OR6F1: variants seen among roughly 807,000 people sequenced by gnomAD.
The protein encoded by OR6F1 is olfactory receptor 6F1.
For synonymous variants in OR6F1, 144 were observed against 150.0 expected (o/e 0.96, Z 0.29); for missense variants, 346 against 376.0 (o/e 0.92, Z 0.66).
rs1465786958 is a variant in OR6F1 at position 247,712,373 on chromosome 1, T to C, written c.383A>G (p.Tyr128Cys). The change falls in exon 3 of 3, where the codon TAT becomes TGT. Residue 128 changes from tyrosine (Y) to cysteine (C), a missense_variant. Tyr to Cys is a radical substitution (Grantham distance 194). Coordinates refer to ENST00000641470, the MANE Select transcript of OR6F1 (RefSeq NM_001005286.2). ...MAYDRCLAIC[Y>C]PLHYGAIMSS... ...CATGATGGCTCCGTAGTGTAAAGGA[T>C]AGCAGATGGCAAGACAGCGGTCATA... 1 of 1,614,164 alleles carries C rather than the reference T, an allele frequency of 6.2e-7. No individual in the cohort carries two copies.
At chr1:247,715,949 TG>T (rs1474860199) in intron 1 of OR6F1, among the ~76,000 whole-genome samples, 1 of 152,148 alleles carries the variant, frequency 6.6e-6, no homozygotes, top group Non-Finnish European at 1.5e-5. Context: ...ACCACAATTT[TG>T]TGATTACAAA....
chr1:247,713,698 G>A (rs1305263941), intron 2 of OR6F1, among the ~76,000 whole-genome samples, 193 bp downstream of exon 2: 2 of 152,104 alleles, frequency 1.3e-5, no homozygotes, highest in Non-Finnish European at 2.9e-5. Context: ...AGACTTTGGC[G>A]GCTTCATTCT....
At chr1:247,713,999 A>G (rs914122691) in intron 1 of OR6F1, 45 bp from the exon 2 acceptor site, 2 of 398,484 alleles carry the variant, frequency 5.0e-6, no homozygotes, top group African/African-American at 4.1e-5. Flanking sequence ...TGCACCCTTG[A>G]CATGCAGCCT....
Position 247,712,643 on chromosome 1 carries a change from G to C in OR6F1, c.113C>G (p.Thr38Arg), listed in dbSNP as rs201621637. 2.1e-5 allele frequency: 34 copies of C among 1,613,510 alleles called. No homozygotes were observed. The East Asian group carries it at 6.5e-4, about 31-fold the overall frequency. The change falls in exon 3 of 3, where the codon ACA (threonine) becomes AGA (arginine). Residue 38 changes from threonine (T) to arginine (R), a missense_variant. Physicochemically the swap from Thr to Arg is moderately conservative, Grantham distance 71 (BLOSUM62 -1). Transcript: ENST00000641470. ...CAAGATAGCCACATTACCACTAACTGTGAGGATGTACATCACCAGAAAAAG... is the reference window on the plus strand; with the variant it reads ...CAAGATAGCCACATTACCACTAACTCTGAGGATGTACATCACCAGAAAAAG... ...FMLFLVMYIL[T>R]VSGNVAILML... is the part of the protein sequence containing the mutation.
rs901977694 is a variant in OR6F1 at position 247,716,393 on chromosome 1, A to AT, written c.-190dup. 7 of 151,998 alleles carry AT rather than the reference A, an allele frequency of 4.6e-5. No individual in the cohort carries two copies. The highest frequency in any genetic ancestry group is 8.8e-5 in the Non-Finnish European group (6 of 67,982). The allele number at this position is 151,998 out of a possible 1,614,324, so 9.4% of individuals were successfully genotyped here. ...TTGTCTCTTGACCTTACTTTTACTC[A>AT]TTTTTTATTCCATGATTTTCTTTAT... On this transcript the variant is annotated 5_prime_UTR_variant, in exon 1 of 3. In the 5' UTR this introduces an upstream ATG that the reference lacks. Coordinates refer to ENST00000641470, the MANE Select transcript of OR6F1 (RefSeq NM_001005286.2).
chr1:247,714,931 T>C (rs1660080550), intron 1 of OR6F1, among the ~76,000 whole-genome samples: 1 of 152,226 alleles, frequency 6.6e-6, no homozygotes, highest in Non-Finnish European at 1.5e-5. Flanking sequence ...ATAATCCATT[T>C]TTTTTTCTTT....
Position 247,711,974 on chromosome 1 carries a change from C to A in OR6F1, c.782G>T (p.Arg261Leu), listed in dbSNP as rs149671274. Residue 261 changes from arginine (R) to leucine (L), a missense_variant, in exon 3 of 3, where the codon CGC becomes CTC. Physicochemically the swap from Arg to Leu is moderately radical, Grantham distance 102. Transcript: ENST00000641470. ...ATCCAAGGCATCTTTGATAGAGGTG[C>A]GGACGTGAAGGAAAACTGTGGACCC... ...WYGSTVFLHV[R>L]TSIKDALDLI... The A allele has an allele frequency of 6.2e-7, 1 of 1,614,062 alleles. No individual in the cohort carries two copies. The highest frequency in any genetic ancestry group is 8.5e-7 in the Non-Finnish European group (1 of 1,179,974).
chr1:247,715,441 G>A (rs1189425035), intron 1 of OR6F1, among the ~76,000 whole-genome samples: 1 of 152,094 alleles, frequency 6.6e-6, no homozygotes, highest in Non-Finnish European at 1.5e-5. Flanking sequence ...ATTATGAAAT[G>A]ACATTTTTGT....
At position 247,711,993 on chromosome 1, in the gene OR6F1, T is replaced by C. The variant is rs1306341438; in HGVS notation, c.763A>G (p.Thr255Ala). 6.2e-6 allele frequency: 10 copies of C among 1,614,104 alleles called. No homozygotes were observed. Among genetic ancestry groups the C allele is most frequent in the Non-Finnish European group, 8.5e-6 (10 of 1,180,030 alleles). Residue 255 changes from threonine to alanine, a missense_variant, in exon 3 of 3, where the codon ACA becomes GCA. Coordinates refer to ENST00000641470, the MANE Select transcript of OR6F1 (RefSeq NM_001005286.2). ...LTVVLIWYGS[T>A]VFLHVRTSIK... ...GAGGTGCGGACGTGAAGGAAAACTGTGGACCCATACCAAATGAGCACCACG... is the reference window on the plus strand; with the variant it reads ...GAGGTGCGGACGTGAAGGAAAACTGCGGACCCATACCAAATGAGCACCACG...
At chr1:247,714,339 A>G (rs550570459) in intron 1 of OR6F1, among the ~76,000 whole-genome samples, 4 of 152,190 alleles carry the variant, frequency 2.6e-5, no homozygotes, top group Non-Finnish European at 5.9e-5. Context: ...CAACAGAGGA[A>G]TATACTCAAC....
chr1:247,714,671 A>G (rs1266696868), intron 1 of OR6F1, among the ~76,000 whole-genome samples: 1 of 152,104 alleles, frequency 6.6e-6, no homozygotes, highest in Non-Finnish European at 1.5e-5. Context: ...TTCCTCCTTT[A>G]CACTGGTAAA....
At chr1:247,715,487 T>C (rs1036514936) in intron 1 of OR6F1, among the ~76,000 whole-genome samples, 1 of 152,230 alleles carries the variant, frequency 6.6e-6, no homozygotes, top group Non-Finnish European at 1.5e-5. Flanking sequence ...ATTTGTCAGA[T>C]GCCATGACCT....
In OR6F1 at chr1:247,712,549, C is replaced by T; in HGVS notation, c.207G>A (p.Leu69=). 6.2e-7 allele frequency: 1 copy of T among 1,614,014 alleles called. No individual in the cohort carries two copies. The highest frequency in any genetic ancestry group is 8.5e-7 in the Non-Finnish European group (1 of 1,179,908). ...CTGCTGCTGTGGTATACCAAATCTC[C>T]AGGAAGGAGAGGTTGCTCAGAAAGA... The part of the protein sequence containing the change: ...MYFFLSNLSF[L]EIWYTTAAVP... Residue 69 remains leucine (L), a synonymous_variant, in exon 3 of 3, where the codon CTG becomes CTA. Coordinates refer to ENST00000641470, the MANE Select transcript of OR6F1 (RefSeq NM_001005286.2).
chr1:247,713,096 A>T (rs956743550), intron 2 of OR6F1, among the ~76,000 whole-genome samples: 1 of 152,194 alleles, frequency 6.6e-6, no homozygotes, highest in Non-Finnish European at 1.5e-5. Flanking sequence ...TCCCACTCTG[A>T]GCCACATTCC....
At chr1:247,714,460 T>G (rs1660070160) in intron 1 of OR6F1, among the ~76,000 whole-genome samples, 1 of 150,212 alleles carries the variant, frequency 6.7e-6, no homozygotes, top group African/African-American at 2.4e-5. Context: ...CTCTACAAAT[T>G]TATTGTATTT....
chr1:247,715,247 A>G (rs1660085303), intron 1 of OR6F1, among the ~76,000 whole-genome samples: 1 of 152,186 alleles, frequency 6.6e-6, no homozygotes, highest in Non-Finnish European at 1.5e-5. Context: ...AAATATTTTA[A>G]TTTATGTTCC....
chr1:247,714,304 T>G (rs1660066110), intron 1 of OR6F1, among the ~76,000 whole-genome samples: 1 of 152,120 alleles, frequency 6.6e-6, no homozygotes, highest in African/African-American at 2.4e-5. Context: ...AAGACAACTC[T>G]AGGGTCTTAT....
intron 1 of OR6F1, among the ~76,000 whole-genome samples, chr1:247,715,936 T>C (rs1660097251): frequency 6.6e-6 from 1 of 152,142 alleles, no homozygotes. Context: ...GGATCAATCA[T>C]ATACCACAAT....
At chr1:247,714,165 T>C (rs1366951257) in intron 1 of OR6F1, among the ~76,000 whole-genome samples, 2 of 152,156 alleles carry the variant, frequency 1.3e-5, no homozygotes, top group Non-Finnish European at 2.9e-5. Context: ...CACCATAAAA[T>C]GTGCTCCTCT....
Sources: gnomAD v4.1 joint callset for allele counts (sites outside exome capture counted in the v4.1 genomes callset) on GRCh38, gnomAD v4.1.1 for gene constraint, MANE v1.5 for transcripts, NCBI Gene and HGNC (gene_info 2026-07-23, HGNC 2026-07-21) for gene names.